Variants in CFAP54 observed in about 807,000 individuals in gnomAD.
The protein encoded by CFAP54 is cilia- and flagella-associated protein 54.
In CFAP54, 290 loss-of-function variants were observed where a neutral mutation model predicts 370.4. That is an observed-to-expected ratio of 0.78 (90% CI 0.71 to 0.86). CFAP54 has a LOEUF of 0.86. Among genes scored for constraint, CFAP54 ranks in the 40% least tolerant of loss-of-function variants. CFAP54 has a pLI of 0.00. For synonymous variants in CFAP54, 1,206 were observed against 1,236.5 expected, an observed-to-expected ratio of 0.98 and a Z score of 0.52; for missense variants, 3,399 against 3,528.7, an observed-to-expected ratio of 0.96 and a Z score of 0.93.
chr12:96,599,694 G>A (rs1468094267), intron 26 of CFAP54, among the ~76,000 whole-genome samples: 6 of 152,026 alleles, frequency 3.9e-5, no homozygotes, highest in South Asian at 2.1e-4. Context: ...TTTAATGATC[G>A]CCATTCTAAC....
intron 45 of CFAP54, among the ~76,000 whole-genome samples, chr12:96,699,557 T>A (rs755492578): frequency 1.3e-5 from 2 of 152,212 alleles, no homozygotes; most frequent in African/African-American, 2.4e-5. Context: ...AGTCTCCCAG[T>A]TTGACTTGCC....
chr12:96,499,357 A>T lies in CFAP54; in HGVS notation c.318-1477A>T, dbSNP rs188168273. Among the ~76,000 whole-genome samples the T allele has an allele frequency of 3.9e-5, 6 of 152,322 alleles. No individual in the cohort carries two copies. The East Asian group carries it at 1.2e-3, about 29-fold the overall frequency. On this transcript the variant is annotated intron_variant, in intron 1 of 67. Coordinates refer to ENST00000524981, the MANE Select transcript of CFAP54 (RefSeq NM_001306084.2). ...AGACATACAGATGGCAAATAAACATATGAAAATATGCTCCACATCATATGT... is the reference window on the plus strand; with the variant it reads ...AGACATACAGATGGCAAATAAACATTTGAAAATATGCTCCACATCATATGT...
At chr12:96,520,543 A>G (rs895076796) in intron 6 of CFAP54, among the ~76,000 whole-genome samples, 2 of 151,936 alleles carry the variant, frequency 1.3e-5, no homozygotes. Flanking sequence ...AAATTTATAT[A>G]TGTGTCACTC....
intron 50 of CFAP54, among the ~76,000 whole-genome samples, chr12:96,722,450 C>T (rs1328886958): frequency 6.6e-6 from 1 of 152,188 alleles, no homozygotes; most frequent in African/African-American, 2.4e-5. Flanking sequence ...TTGAGGGACA[C>T]CTCCAGGCCT....
chr12:96,651,346 C>T (rs1956855388), intron 35 of CFAP54, among the ~76,000 whole-genome samples: 1 of 152,148 alleles, frequency 6.6e-6, no homozygotes, highest in Admixed American at 6.5e-5. Flanking sequence ...ACCCATGACT[C>T]CATTTCCTCA....
Position 96,538,418 on chromosome 12 carries a change from C to T in CFAP54, c.1826C>T (p.Thr609Met), listed in dbSNP as rs888582300. ...CCTGATAAAGAAATTGTTGTGGACA[C>T]GATAATGTTCCTATGGCAGAAATGC... ...VQPDKEIVVD[T>M]IMFLWQKCKL... is the part of the protein sequence containing the mutation. Residue 609 changes from threonine (T) to methionine (M), a missense_variant, in exon 13 of 68, where the codon ACG becomes ATG. Physicochemically the swap from Thr to Met is moderately conservative, Grantham distance 81 (BLOSUM62 -1). Transcript: ENST00000524981. 1.4e-5 allele frequency: 22 copies of T among 1,535,472 alleles called. No homozygotes were observed. The highest frequency in any genetic ancestry group is 7.3e-5 in the East Asian group (3 of 40,890).
intron 65 of CFAP54, 66 bp from the exon 66 acceptor site, chr12:96,828,948 T>G: frequency 1.3e-6 from 1 of 781,816 alleles, no homozygotes; most frequent in East Asian, 2.7e-5. Flanking sequence ...AGTTTATAAT[T>G]AAATAGGTAA....
intron 39 of CFAP54, among the ~76,000 whole-genome samples, chr12:96,669,564 C>A (rs1957120837): frequency 6.6e-6 from 1 of 152,274 alleles, no homozygotes; most frequent in Admixed American, 6.5e-5. Context: ...GTGATCCACA[C>A]TGGCTGGAGG....
At chr12:96,736,522 T>C (rs1315439168) in intron 50 of CFAP54, among the ~76,000 whole-genome samples, 1 of 152,174 alleles carries the variant, frequency 6.6e-6, no homozygotes, top group South Asian at 2.1e-4. Context: ...TGGAAAATAA[T>C]GTCCCAGAAG....
chr12:96,766,804 T>C (rs984021724), intron 60 of CFAP54, among the ~76,000 whole-genome samples: 2 of 152,222 alleles, frequency 1.3e-5, no homozygotes, highest in Non-Finnish European at 2.9e-5. Flanking sequence ...TCCTTGTGTT[T>C]TCCCAGTTTT....
At chr12:96,625,112 T>G (rs1956536030) in intron 28 of CFAP54, among the ~76,000 whole-genome samples, 1 of 152,212 alleles carries the variant, frequency 6.6e-6, no homozygotes, top group Non-Finnish European at 1.5e-5. Flanking sequence ...TTTTGTACAG[T>G]GTTTTCTGTG....
chr12:96,647,906 C>T lies in CFAP54; in HGVS notation c.4579C>T (p.Leu1527=), dbSNP rs1363206807. Residue 1527 remains leucine (L), a synonymous_variant, in exon 34 of 68, where the codon CTG becomes TTG. Transcript: ENST00000524981. ...ATCATGTGATCCTAACATGTTTTCA[C>T]TGTATAATTCAGGAACAGTATTACC... ...FRSCDPNMFS[L]YNSGTVLPTR... is the part of the protein sequence containing the mutation. 6.6e-7 allele frequency: 1 copy of T among 1,508,658 alleles called. No homozygotes were observed. The highest frequency in any genetic ancestry group is 8.8e-7 in the Non-Finnish European group (1 of 1,137,728). 93.5% of individuals were successfully genotyped at this position (1,508,658 alleles called of 1,614,324 possible).
chr12:96,762,883 G>A (rs987950994), intron 58 of CFAP54, among the ~76,000 whole-genome samples: 16 of 152,002 alleles, frequency 1.1e-4, no homozygotes, highest in African/African-American at 3.9e-4. Flanking sequence ...AGCTAAGCTA[G>A]GCCACATTTA....
At chr12:96,825,299 A>T (rs546655609) in intron 65 of CFAP54, among the ~76,000 whole-genome samples, 1,304 of 128,244 alleles carry the variant, frequency 0.01, 17 homozygotes, top group South Asian at 0.015. Context: ...AATATAATAT[A>T]TTATATATAT....
In CFAP54 at chr12:96,786,761, A is replaced by C; in HGVS notation, c.8542A>C (p.Lys2848Gln). The change falls in exon 62 of 68, where the codon AAA (lysine) becomes CAA (glutamine). Residue 2848 changes from lysine (K) to glutamine (Q), a missense_variant. Coordinates refer to ENST00000524981, the MANE Select transcript of CFAP54 (RefSeq NM_001306084.2). The part of the protein sequence containing the change: ...LYNSELILRQ[K>Q]EVHFFLKKFL... ...CAACTCTGAGTTGATTTTGCGCCAGAAAGAAGTGCATTTTTTCCTTAAAAA... is the reference window on the plus strand; with the variant it reads ...CAACTCTGAGTTGATTTTGCGCCAGCAAGAAGTGCATTTTTTCCTTAAAAA... The C allele has an allele frequency of 6.5e-7, 1 of 1,535,974 alleles. No homozygotes were observed. The highest frequency in any genetic ancestry group is 8.7e-7 in the Non-Finnish European group (1 of 1,146,792).
intron 61 of CFAP54, 32 bp from the exon 62 acceptor site, chr12:96,786,643 G>T: frequency 7.0e-7 from 1 of 1,428,156 alleles, no homozygotes; most frequent in South Asian, 1.3e-5. Flanking sequence ...TTTCTAATAT[G>T]AACCTAAACT....
intron 67 of CFAP54, among the ~76,000 whole-genome samples, chr12:96,867,342 A>G (rs1352769952): frequency 6.6e-6 from 1 of 152,200 alleles, no homozygotes; most frequent in Non-Finnish European, 1.5e-5. Context: ...ACAAGCAGTG[A>G]CACTTAGGCA....
At position 96,827,117 on chromosome 12, in the gene CFAP54, A is replaced by G. The variant is rs929446509; in HGVS notation, c.9097-1897A>G. Among the ~76,000 whole-genome samples the G allele has an allele frequency of 6.2e-5, 7 of 112,286 alleles. 1 individual carries two copies. The Admixed American group carries it at 8.6e-4, about 14-fold the overall frequency. The allele number at this position is 112,286 out of a possible 152,430, so 73.7% of individuals were successfully genotyped here. ...AATGTGCAATTATATGTGATTATAT[A>G]TAATGTGCAATTATATGTGATTATA... On this transcript the variant is annotated intron_variant, in intron 65 of 67. Transcript: ENST00000524981.
At chr12:96,787,017 A>G (rs1323724575) in intron 62 of CFAP54, 119 bp downstream of exon 62, 2 of 782,472 alleles carry the variant, frequency 2.6e-6, no homozygotes, top group South Asian at 1.9e-5. Flanking sequence ...TCAGAGTTCT[A>G]GGGAAGGCTC....
Sources: gnomAD v4.1 joint callset for allele counts (sites outside exome capture counted in the v4.1 genomes callset) on GRCh38, gnomAD v4.1.1 for gene constraint, MANE v1.5 for transcripts, NCBI Gene and HGNC (gene_info 2026-07-23, HGNC 2026-07-21) for gene names.